NBAS: variants seen among roughly 807,000 people sequenced by gnomAD.
NBAS encodes the protein NAG/BC035112 fusion.
In NBAS, 219 loss-of-function variants were observed where a neutral mutation model predicts 302.5. The ratio of observed to expected loss-of-function variants is 0.72; its 90% CI spans 0.65 to 0.81. The LOEUF is 0.81. Among genes scored for constraint, NBAS ranks in the 30% least tolerant of loss-of-function variants. The pLI, the probability that NBAS is intolerant of heterozygous loss-of-function variation, is 0.00. For synonymous variants in NBAS, 1,118 were observed against 1,021.6 expected (o/e 1.09, Z -1.80); for missense variants, 2,932 against 2,841.6 (o/e 1.03, Z -0.72).
chr2:14,791,803 CATAAATAAATAA>C, the NBAS span, among the ~76,000 whole-genome samples: 7,157 of 139,214 alleles, frequency 0.051, 216 homozygotes, highest in Non-Finnish European at 0.06. Context: ...GACTCCATCT[CATAAATAAATAA>C]ATAAATAAAT....
At chr2:14,985,605 G>T in the NBAS span, among the ~76,000 whole-genome samples, 1 of 152,134 alleles carries the variant, frequency 6.6e-6, no homozygotes, top group African/African-American at 2.4e-5. Flanking sequence ...AGCAATAACT[G>T]CTGTTTCAAT....
At chr2:15,312,900 C>A (rs1040675706) in intron 38 of NBAS, among the ~76,000 whole-genome samples, 2 of 152,210 alleles carry the variant, frequency 1.3e-5, no homozygotes, top group African/African-American at 2.4e-5. Context: ...GCCACAAACT[C>A]TAGGCTTTAA....
the NBAS span, among the ~76,000 whole-genome samples, chr2:15,016,298 A>C: frequency 2.4e-4 from 36 of 152,150 alleles, no homozygotes; most frequent in African/African-American, 8.2e-4. Flanking sequence ...ATAGAAGAAA[A>C]CACCCCCATG....
the NBAS span, among the ~76,000 whole-genome samples, chr2:15,031,183 G>C: frequency 2.0e-5 from 3 of 152,214 alleles, no homozygotes; most frequent in African/African-American, 7.2e-5. Flanking sequence ...AGCAATTTAT[G>C]ATAATTGACA....
the NBAS span, among the ~76,000 whole-genome samples, chr2:15,092,310 CA>C: frequency 6.6e-6 from 1 of 152,072 alleles, no homozygotes; most frequent in African/African-American, 2.4e-5. Flanking sequence ...GCATACATTT[CA>C]AAAAATCTAC....
At position 15,374,691 on chromosome 2, in the gene NBAS, G is replaced by A. The variant is rs760186095; in HGVS notation, c.3620C>T (p.Pro1207Leu). 9.3e-6 allele frequency: 15 copies of A among 1,613,608 alleles called. No individual in the cohort carries two copies. The East Asian group carries it at 3.3e-4, about 36-fold the overall frequency. ...ATCTAGCTCCTCTTGAATGGCAGGG[G>A]GTCTGTCTGTTATCAGTTGTAAGCA... ...RCCLQLITDR[P>L]PAIQEELDLI... Residue 1207 changes from proline (P) to leucine (L), a missense_variant, in exon 31 of 52, where the codon CCC becomes CTC. Coordinates refer to ENST00000281513, the MANE Select transcript of NBAS (RefSeq NM_015909.4).
chr2:15,102,159 G>A, the NBAS span, among the ~76,000 whole-genome samples: 10,532 of 152,268 alleles, frequency 0.069, 574 homozygotes, highest in African/African-American at 0.15. Flanking sequence ...CCAGCCACAA[G>A]GGTCATCACC....
At chr2:14,997,809 T>TC in the NBAS span, among the ~76,000 whole-genome samples, 4 of 152,154 alleles carry the variant, frequency 2.6e-5, no homozygotes, top group African/African-American at 9.7e-5. Context: ...TCCTTTACTC[T>TC]CTGCTTCCAT....
rs547724335 is a variant in NBAS, at chr2:15,422,548, T to TAA, written c.2577+1765_2577+1766dup. On this transcript the variant is annotated intron_variant, in intron 23 of 51. Coordinates refer to ENST00000281513, the MANE Select transcript of NBAS (RefSeq NM_015909.4). Reference sequence around the variant, plus strand: ...AAATAAATAACAAAATAGTTGATTGTAAAAAAAAAAACCCACAGCTTATTT... The same window carrying TAA: ...AAATAAATAACAAAATAGTTGATTGTAAAAAAAAAAAAACCCACAGCTTATTT... Among the ~76,000 whole-genome samples the TAA allele has an allele frequency of 4.4e-3, 638 of 146,352 alleles. 6 individuals are homozygous for TAA. Among genetic ancestry groups the TAA allele is most frequent in the African/African-American group, 0.015 (606 of 40,294 alleles).
intron 44 of NBAS, among the ~76,000 whole-genome samples, chr2:15,241,803 T>A (rs947271256): frequency 2.0e-5 from 3 of 152,180 alleles, no homozygotes; most frequent in Admixed American, 1.3e-4. Flanking sequence ...ACCTTTTTTT[T>A]AAATAAGCTC....
the NBAS span, among the ~76,000 whole-genome samples, chr2:14,976,939 A>C: frequency 6.6e-6 from 1 of 152,198 alleles, no homozygotes; most frequent in South Asian, 2.1e-4. Flanking sequence ...AATAGTAAGA[A>C]AATAAATTTC....
intron 38 of NBAS, among the ~76,000 whole-genome samples, chr2:15,324,315 C>T (rs1226780128): frequency 6.6e-6 from 1 of 152,162 alleles, no homozygotes; most frequent in Non-Finnish European, 1.5e-5. Flanking sequence ...CCTACTATCG[C>T]TTCATCTCTC....
At chr2:15,485,865 T>A (rs1371100017) in intron 12 of NBAS, among the ~76,000 whole-genome samples, 1 of 152,046 alleles carries the variant, frequency 6.6e-6, no homozygotes, top group Non-Finnish European at 1.5e-5. Flanking sequence ...AGATGACAGG[T>A]TCACAGAGGA....
chr2:14,836,592 A>G, the NBAS span, among the ~76,000 whole-genome samples: 1 of 151,916 alleles, frequency 6.6e-6, no homozygotes, highest in African/African-American at 2.4e-5. Context: ...TTGACTATTC[A>G]TCTATATTTT....
At chr2:15,033,815 G>A in the NBAS span, among the ~76,000 whole-genome samples, 1 of 151,938 alleles carries the variant, frequency 6.6e-6, no homozygotes, top group Admixed American at 6.6e-5. Context: ...AGGCATGGTG[G>A]CTCACTCCTG....
chr2:14,856,427 AC>A, the NBAS span, among the ~76,000 whole-genome samples: 1 of 152,208 alleles, frequency 6.6e-6, no homozygotes, highest in Non-Finnish European at 1.5e-5. Flanking sequence ...ATCCAGGAAA[AC>A]AAAACACTGT....
the NBAS span, among the ~76,000 whole-genome samples, chr2:14,948,141 A>G: frequency 6.6e-6 from 1 of 152,066 alleles, no homozygotes; most frequent in Non-Finnish European, 1.5e-5. Flanking sequence ...GATGATGAGT[A>G]TCAGGTGTGA....
intron 44 of NBAS, among the ~76,000 whole-genome samples, chr2:15,264,006 C>T (rs1668963511): frequency 6.6e-6 from 1 of 152,112 alleles, no homozygotes; most frequent in African/African-American, 2.4e-5. Context: ...TATGAAATAG[C>T]TATTAGGAGA....
chr2:15,364,066 T>G (rs1400667601), intron 32 of NBAS, among the ~76,000 whole-genome samples: 2 of 152,330 alleles, frequency 1.3e-5, no homozygotes, highest in East Asian at 1.9e-4. Flanking sequence ...TGAGGCCCCC[T>G]GCCAAGAGCC....
Sources: gnomAD v4.1 joint callset for allele counts (sites outside exome capture counted in the v4.1 genomes callset) on GRCh38, gnomAD v4.1.1 for gene constraint, MANE v1.5 for transcripts, NCBI Gene and HGNC (gene_info 2026-07-23, HGNC 2026-07-21) for gene names.